THRB: variants seen among roughly 807,000 people sequenced by gnomAD.
THRB encodes nuclear receptor subfamily 1 group A member 2.
In THRB, 12 loss-of-function variants were observed where a neutral mutation model predicts 47.8. The observed-to-expected ratio is 0.25, with a 90% confidence interval of 0.16 to 0.41. The LOEUF is 0.41. Among genes scored for constraint, THRB ranks in the 10% least tolerant of loss-of-function variants. THRB has a pLI of 1.00. For synonymous variants in THRB, 218 were observed against 212.2 expected (o/e 1.03, Z -0.24); for missense variants, 348 against 589.2 (o/e 0.59, Z 4.24).
intron 1 of THRB, among the ~76,000 whole-genome samples, chr3:24,457,557 T>C (rs1001181112): frequency 1.3e-5 from 2 of 152,192 alleles, no homozygotes; most frequent in Admixed American, 1.3e-4. Flanking sequence ...TCTGACATTG[T>C]CTTAAAAGGC....
At chr3:24,433,774 C>T (rs2125311193) in intron 1 of THRB, among the ~76,000 whole-genome samples, 1 of 152,250 alleles carries the variant, frequency 6.6e-6, no homozygotes, top group Middle Eastern at 3.4e-3. Context: ...TTCAGCCTCG[C>T]AATTCAGTGA....
At chr3:24,282,784 C>T (rs1310732684) in intron 3 of THRB, among the ~76,000 whole-genome samples, 1 of 149,630 alleles carries the variant, frequency 6.7e-6, no homozygotes, top group Non-Finnish European at 1.5e-5. Flanking sequence ...ATACAAACTA[C>T]CATCAGAGAA....
intron 5 of THRB, among the ~76,000 whole-genome samples, chr3:24,188,797 T>C (rs13064675): frequency 0.17 from 25,765 of 147,536 alleles, 2,442 homozygotes; most frequent in Non-Finnish European, 0.2. Context: ...CCTGACTCCT[T>C]TGAAAAACTT....
intron 2 of THRB, among the ~76,000 whole-genome samples, chr3:24,313,166 C>T (rs561272458): frequency 2.0e-3 from 297 of 152,292 alleles, no homozygotes; most frequent in African/African-American, 6.8e-3. Flanking sequence ...ATTTTCAAGG[C>T]TCAGCTCAGT....
At chr3:24,228,636 G>GAAAAAAAAAAAAAAAAAAAA (rs11306713) in intron 4 of THRB, among the ~76,000 whole-genome samples, 1 of 85,064 alleles carries the variant, frequency 1.2e-5, no homozygotes. Flanking sequence ...ATGTCTCAAA[G>GAAAAAAAAAAAAAAAAAAAA]AAAAAAAAAA....
At chr3:24,374,727 G>A (rs1292808424) in intron 1 of THRB, among the ~76,000 whole-genome samples, 2 of 152,112 alleles carry the variant, frequency 1.3e-5, no homozygotes, top group East Asian at 3.9e-4. Context: ...TTAGTTTTGG[G>A]CTTATCAAGG....
chr3:24,434,895 A>G (rs567399694), intron 1 of THRB, among the ~76,000 whole-genome samples: 31 of 152,310 alleles, frequency 2.0e-4, no homozygotes, highest in Admixed American at 7.2e-4. Flanking sequence ...TGTGCTTGCC[A>G]TACTGGTCAT....
intron 3 of THRB, among the ~76,000 whole-genome samples, chr3:24,241,846 G>A (rs1017374720): frequency 3.9e-5 from 6 of 152,050 alleles, no homozygotes. Context: ...GGTGGGGTTC[G>A]GGTCCTATGT....
intron 3 of THRB, among the ~76,000 whole-genome samples, chr3:24,229,485 A>G (rs1035905216): frequency 3.3e-5 from 5 of 152,200 alleles, no homozygotes; most frequent in Non-Finnish European, 7.3e-5. Flanking sequence ...CTTTCAAGTC[A>G]TAGACACACT....
At chr3:24,393,521 C>T (rs2066735637) in intron 1 of THRB, among the ~76,000 whole-genome samples, 2 of 152,114 alleles carry the variant, frequency 1.3e-5, no homozygotes, top group Admixed American at 6.6e-5. Context: ...GGTCAGGGCA[C>T]AGACCAAGGT....
chr3:24,276,507 T>G (rs2053928398), intron 3 of THRB, among the ~76,000 whole-genome samples: 1 of 152,216 alleles, frequency 6.6e-6, no homozygotes, highest in Admixed American at 6.5e-5. Flanking sequence ...TACATTTTGT[T>G]ATCTGCAAAA....
At chr3:24,351,157 C>T (rs572398727) in intron 1 of THRB, among the ~76,000 whole-genome samples, 16 of 151,764 alleles carry the variant, frequency 1.1e-4, no homozygotes, top group African/African-American at 3.6e-4. Flanking sequence ...TCAGTTTTTT[C>T]TCTTCCCATT....
At chr3:24,431,140 C>T (rs1416770702) in intron 1 of THRB, 1 of 151,746 alleles carries the variant, frequency 6.6e-6, no homozygotes, top group Non-Finnish European at 1.5e-5. Flanking sequence ...TATAAGACTG[C>T]CAATGAAAAT....
intron 9 of THRB, among the ~76,000 whole-genome samples, chr3:24,127,990 T>A (rs143954670): frequency 1.3e-3 from 192 of 152,328 alleles, no homozygotes; most frequent in African/African-American, 4.3e-3. Flanking sequence ...TTTGCATTGC[T>A]TTTATGACAG....
At chr3:24,416,877 C>T (rs1458385328) in intron 1 of THRB, among the ~76,000 whole-genome samples, 1 of 151,766 alleles carries the variant, frequency 6.6e-6, no homozygotes, top group African/African-American at 2.4e-5. Flanking sequence ...TTTTGAGACT[C>T]AATAGACTAG....
At chr3:24,489,089 A>G (rs1003267129) in intron 1 of THRB, among the ~76,000 whole-genome samples, 2 of 152,028 alleles carry the variant, frequency 1.3e-5, no homozygotes, top group African/African-American at 4.8e-5. Context: ...CCCTGTCCCT[A>G]CTAAAATTAC....
At chr3:24,183,965 G>C (rs1432571143) in intron 5 of THRB, among the ~76,000 whole-genome samples, 2 of 152,104 alleles carry the variant, frequency 1.3e-5, no homozygotes, top group Admixed American at 1.3e-4. Context: ...GAATGTGGTT[G>C]CATATGGAGT....
intron 1 of THRB, among the ~76,000 whole-genome samples, chr3:24,366,301 G>A (rs2064452487): frequency 6.6e-6 from 1 of 152,082 alleles, no homozygotes; most frequent in South Asian, 2.1e-4. Flanking sequence ...CTGGGAACAT[G>A]GAGAGAATTG....
intron 1 of THRB, chr3:24,459,126 A>C (rs1201299904): frequency 6.6e-6 from 1 of 151,998 alleles, no homozygotes; most frequent in Non-Finnish European, 1.5e-5. Flanking sequence ...ACCCCCCAAC[A>C]GGCCCGGGTG....
Sources: allele counts gnomAD v4.1 joint callset (sites outside exome capture counted in the v4.1 genomes callset), GRCh38; gene constraint gnomAD v4.1.1; transcripts MANE v1.5; gene names NCBI Gene and HGNC (gene_info 2026-07-23, HGNC 2026-07-21).